The following EPHA6 variants were observed in gnomAD, a reference collection of about 807,000 sequenced individuals.
EPHA6 encodes ephrin type-A receptor 6.
Under a neutral mutation model 112.0 loss-of-function variants are expected in EPHA6, and 50 were observed. That is an observed-to-expected ratio of 0.45 (90% confidence interval 0.36 to 0.56). EPHA6 has a LOEUF of 0.56. EPHA6 is among the 20% of genes least tolerant of loss of function. The probability of loss-of-function intolerance (pLI) is 0.00; values close to 1 mark genes in which losing one functional copy is unlikely to be tolerated. For missense variants in EPHA6, 1,280 were observed against 1,417.4 expected, an observed-to-expected ratio of 0.90 and a Z score of 1.56; for synonymous variants, 529 against 490.7, an observed-to-expected ratio of 1.08 and a Z score of -1.03.
chr3:97,479,271 T>G, intron 8 of EPHA6, 23 bp from the exon 9 acceptor site: 1 of 1,529,164 alleles, frequency 6.5e-7, no homozygotes, highest in Non-Finnish European at 8.8e-7. Flanking sequence ...AAAACAAGTT[T>G]TTTTTTTTAA....
intron 15 of EPHA6, 110 bp downstream of exon 15, chr3:97,720,520 C>A (rs1385322486): frequency 4.2e-6 from 4 of 957,498 alleles, no homozygotes; most frequent in Non-Finnish European, 6.0e-6. Context: ...TTCCTGAGAA[C>A]TTCTCATGGT....
intron 1 of EPHA6, among the ~76,000 whole-genome samples, chr3:96,829,012 G>A (rs9826636): frequency 0.13 from 20,093 of 152,052 alleles, 2,257 homozygotes; most frequent in African/African-American, 0.31. Flanking sequence ...TTCTACATAT[G>A]GACTAAGTTC....
intron 16 of EPHA6, among the ~76,000 whole-genome samples, chr3:97,737,016 T>A (rs1046055169): frequency 3.9e-5 from 6 of 151,986 alleles, no homozygotes; most frequent in African/African-American, 1.2e-4. Context: ...CTTCAAGGAC[T>A]ATTTGAAACA....
Position 97,434,848 on chromosome 3 carries a change from C to T in EPHA6, c.1732-13720C>T, listed in dbSNP as rs191076120. On this transcript the variant is annotated intron_variant, in intron 6 of 17. Coordinates refer to ENST00000389672, the MANE Select transcript of EPHA6 (RefSeq NM_001080448.3). ...GCAGAATGGCTAGGCATCATCTCATCATACTCTTTCTCTCTCTCTCACCTC... is the reference window on the plus strand; with the variant it reads ...GCAGAATGGCTAGGCATCATCTCATTATACTCTTTCTCTCTCTCTCACCTC... Among the ~76,000 whole-genome samples the T allele has an allele frequency of 4.3e-4, 66 of 152,066 alleles. No homozygotes were observed. The East Asian group carries it at 0.01, about 24-fold the overall frequency.
At chr3:96,976,222 A>G (rs1312784640) in intron 2 of EPHA6, among the ~76,000 whole-genome samples, 1 of 152,174 alleles carries the variant, frequency 6.6e-6, no homozygotes, top group African/African-American at 2.4e-5. Flanking sequence ...GCTTAGTTTT[A>G]TAAATTAATT....
chr3:97,599,901 A>G (rs1220944859), intron 12 of EPHA6, among the ~76,000 whole-genome samples: 1 of 152,206 alleles, frequency 6.6e-6, no homozygotes, highest in Non-Finnish European at 1.5e-5. Flanking sequence ...ACCCATGAGC[A>G]TGGAATGTTC....
intron 3 of EPHA6, among the ~76,000 whole-genome samples, chr3:97,154,062 G>A (rs1421304819): frequency 1.3e-5 from 2 of 149,506 alleles, no homozygotes; most frequent in Non-Finnish European, 3.0e-5. Context: ...CTACTCAGGA[G>A]GCTGAGGCAG....
chr3:97,471,092 G>A (rs146999769), intron 7 of EPHA6, among the ~76,000 whole-genome samples: 94 of 151,810 alleles, frequency 6.2e-4, no homozygotes, highest in Middle Eastern at 3.4e-3. Flanking sequence ...GACATTTGTA[G>A]CTCTACTGTA....
chr3:96,977,598 C>T (rs2042585512), intron 2 of EPHA6, among the ~76,000 whole-genome samples: 1 of 151,950 alleles, frequency 6.6e-6, no homozygotes, highest in African/African-American at 2.4e-5. Flanking sequence ...CCTTGGGACC[C>T]CTACTTTTTA....
At chr3:96,874,527 A>G (rs575398953) in intron 2 of EPHA6, among the ~76,000 whole-genome samples, 88 of 152,248 alleles carry the variant, frequency 5.8e-4, no homozygotes, top group African/African-American at 2.1e-3. Flanking sequence ...ATTACATTTG[A>G]AATGATAGAG....
intron 1 of EPHA6, among the ~76,000 whole-genome samples, chr3:96,834,827 T>C (rs1488317369): frequency 6.6e-6 from 1 of 152,024 alleles, no homozygotes; most frequent in African/African-American, 2.4e-5. Flanking sequence ...TATCTAGGCT[T>C]TCCTTTAATT....
intron 11 of EPHA6, among the ~76,000 whole-genome samples, chr3:97,568,507 T>C (rs1245316259): frequency 6.6e-6 from 1 of 152,356 alleles, no homozygotes; most frequent in East Asian, 1.9e-4. Flanking sequence ...CTAATTGCTG[T>C]GCCTGCTTCA....
intron 5 of EPHA6, among the ~76,000 whole-genome samples, chr3:97,272,609 G>C (rs1378729836): frequency 6.6e-6 from 1 of 151,908 alleles, no homozygotes; most frequent in East Asian, 1.9e-4. Context: ...GATTTGGGTA[G>C]GTAAAGGAAA....
chr3:96,860,219 A>T (rs544321985), intron 1 of EPHA6, among the ~76,000 whole-genome samples: 1 of 152,274 alleles, frequency 6.6e-6, no homozygotes, highest in South Asian at 2.1e-4. Context: ...ATGTCCATGT[A>T]AATGTAATGG....
At chr3:97,378,467 A>C (rs973085812) in intron 5 of EPHA6, among the ~76,000 whole-genome samples, 5 of 152,166 alleles carry the variant, frequency 3.3e-5, no homozygotes, top group Non-Finnish European at 7.4e-5. Context: ...TGGAGCTGTG[A>C]GAAGAGGGCC....
chr3:97,246,233 AATCTAGTAC>A (rs1466506949), intron 5 of EPHA6, among the ~76,000 whole-genome samples: 1 of 151,970 alleles, frequency 6.6e-6, no homozygotes, highest in Admixed American at 6.6e-5. Context: ...CAAAAAATAC[AATCTAGTAC>A]AACGATTTTT....
chr3:97,023,328 C>T (rs1399395331), intron 3 of EPHA6, among the ~76,000 whole-genome samples: 1 of 152,176 alleles, frequency 6.6e-6, no homozygotes, highest in South Asian at 2.1e-4. Context: ...ATCTGCCTGC[C>T]TTGGCCTCCC....
At chr3:96,863,081 TA>T (rs1227689208) in intron 1 of EPHA6, among the ~76,000 whole-genome samples, 9 of 152,060 alleles carry the variant, frequency 5.9e-5, no homozygotes, top group Non-Finnish European at 1.2e-4. Context: ...GCCCCCAGGC[TA>T]TTTTTTTTGT....
intron 14 of EPHA6, among the ~76,000 whole-genome samples, chr3:97,675,696 C>A (rs73850147): frequency 0.12 from 18,826 of 152,074 alleles, 2,443 homozygotes; most frequent in African/African-American, 0.33. Flanking sequence ...ATAAGAATAA[C>A]ATTAATTTTT....
Sources: gnomAD v4.1 joint callset for allele counts (sites outside exome capture counted in the v4.1 genomes callset) on GRCh38, gnomAD v4.1.1 for gene constraint, MANE v1.5 for transcripts, NCBI Gene and HGNC (gene_info 2026-07-23, HGNC 2026-07-21) for gene names.